The following ATXN7 variants were observed in gnomAD, a reference collection of about 807,000 sequenced individuals.
The protein encoded by ATXN7 is ataxin-7.
Under a neutral mutation model 70.5 loss-of-function variants are expected in ATXN7, and 12 were observed. That is an observed-to-expected ratio of 0.17 (90% CI 0.11 to 0.28). ATXN7 has a LOEUF of 0.28. ATXN7 is among the 10% of genes least tolerant of loss of function. ATXN7 has a pLI of 1.00. For synonymous variants in ATXN7, 498 were observed against 448.7 expected (o/e 1.11, Z -1.39); for missense variants, 1,256 against 1,131.7 (o/e 1.11, Z -1.58).
intron 4 of ATXN7, among the ~76,000 whole-genome samples, chr3:63,916,024 C>A (rs1014057257): frequency 6.6e-6 from 1 of 152,184 alleles, no homozygotes. Context: ...GGAATATGCA[C>A]TTGACTTGAA....
At chr3:63,884,464 A>T (rs1703020115) in intron 1 of ATXN7, among the ~76,000 whole-genome samples, 2 of 152,128 alleles carry the variant, frequency 1.3e-5, no homozygotes, top group Non-Finnish European at 2.9e-5. Context: ...TAAACATATA[A>T]ACAAATAATA....
chr3:63,951,647 A>G (rs942160274), intron 4 of ATXN7, among the ~76,000 whole-genome samples: 4 of 152,234 alleles, frequency 2.6e-5, no homozygotes, highest in African/African-American at 7.2e-5. Flanking sequence ...TTAGTTAACC[A>G]TATTTACCAG....
intron 1 of ATXN7, among the ~76,000 whole-genome samples, chr3:63,886,570 A>G (rs1703091990): frequency 6.6e-6 from 1 of 152,228 alleles, no homozygotes; most frequent in Non-Finnish European, 1.5e-5. Context: ...TAGCTGTGAC[A>G]AAGATACTAT....
Position 63,996,244 on chromosome 3 carries a change from A to T in ATXN7, c.2422A>T (p.Ile808Phe). 6.2e-7 allele frequency: 1 copy of T among 1,614,192 alleles called. No individual in the cohort carries two copies. ...TTCTACTCTTTCTCTTGGGCCATTC[A>T]TTCACCAGTCCAATGAACTGCCTGT... ...SDSTLSLGPF[I>F]HQSNELPVNS... Residue 808 changes from isoleucine to phenylalanine, a missense_variant, in exon 12 of 13, where the codon ATT (isoleucine) becomes TTT (phenylalanine). Transcript: ENST00000674280.
intron 4 of ATXN7, among the ~76,000 whole-genome samples, chr3:63,916,694 A>G (rs972506014): frequency 6.6e-6 from 1 of 152,154 alleles, no homozygotes; most frequent in African/African-American, 2.4e-5. Flanking sequence ...GAGGGAAATT[A>G]TTTGTGGTTT....
intron 4 of ATXN7, among the ~76,000 whole-genome samples, chr3:63,948,995 T>A (rs187659938): frequency 2.8e-4 from 43 of 152,364 alleles, no homozygotes; most frequent in African/African-American, 1.0e-3. Context: ...ACTTTTTAAT[T>A]GAATAATGAA....
intron 1 of ATXN7, among the ~76,000 whole-genome samples, chr3:63,891,310 C>T (rs1466262859): frequency 1.3e-5 from 2 of 149,702 alleles, no homozygotes; most frequent in African/African-American, 4.9e-5. Context: ...GCGACTGCAC[C>T]TGGCCCCAGC....
At chr3:63,981,181 A>T (rs1322382500) in intron 6 of ATXN7, among the ~76,000 whole-genome samples, 1 of 152,174 alleles carries the variant, frequency 6.6e-6, no homozygotes. Context: ...AGAGGATGTG[A>T]CATCTTGCAG....
chr3:63,963,966 C>T lies in ATXN7; in HGVS notation c.499+11483C>T, dbSNP rs78253260. Among the ~76,000 whole-genome samples, 1,521 of 152,222 alleles carry T rather than the reference C, an allele frequency of 1.0e-2. 82 individuals are homozygous for T. The East Asian group carries it at 0.12, about 12-fold the overall frequency. On this transcript the variant is annotated intron_variant, in intron 5 of 12. Transcript: ENST00000674280. ...AAAAAGGCTGTAATGCTTTATATCT[C>T]TACCAGCCACTATGAGAGTTATCTC...
Position 64,000,555 on chromosome 3 carries a change from A to G in ATXN7, c.*1088A>G, listed in dbSNP as rs889748280. ...GGACTAAGTGTAGATTTCTGCTTCA[A>G]GCACTTCTGGCATTGTGTGTTTTTG... On this transcript the variant is annotated 3_prime_UTR_variant, in exon 13 of 13. Coordinates refer to ENST00000674280, the MANE Select transcript of ATXN7 (RefSeq NM_001377405.1). 1.3e-5 allele frequency: 2 copies of G among 150,590 alleles called. No homozygotes were observed. The highest frequency in any genetic ancestry group is 4.9e-5 in the African/African-American group (2 of 40,730). The allele number at this position is 150,590 out of a possible 1,614,324, so 9.3% of individuals were successfully genotyped here.
chr3:63,970,029 G>C (rs758284355), intron 5 of ATXN7, among the ~76,000 whole-genome samples: 16 of 152,208 alleles, frequency 1.1e-4, no homozygotes, highest in Non-Finnish European at 2.2e-4. Context: ...GCTGTACTCT[G>C]TCAGCATCAT....
chr3:63,864,498 G>A (rs902769617), intron 1 of ATXN7: 1 of 152,140 alleles, frequency 6.6e-6, no homozygotes, highest in African/African-American at 2.4e-5. Context: ...CCGGGTTCCA[G>A]GTCGCGCGGT....
At position 63,980,084 on chromosome 3, in the gene ATXN7, A is replaced by G. The variant is rs769754530; in HGVS notation, c.669A>G (p.Lys223=). ...SASSSSSKLL[K]SPKEKLQLRG... ...CCTCATCAAGTTCCAAGTTGTTGAA[A>G]TCACCCAAAGAGAAACTGCAGCTCA... is the stretch of plus-strand genomic sequence containing the variant. Residue 223 remains lysine, a synonymous_variant, in exon 6 of 13, where the codon AAA becomes AAG. Transcript: ENST00000674280. The G allele has an allele frequency of 1.2e-6, 2 of 1,614,126 alleles. No individual in the cohort carries two copies. The highest frequency in any genetic ancestry group is 1.7e-6 in the Non-Finnish European group (2 of 1,180,034).
intron 9 of ATXN7, 82 bp from the exon 10 acceptor site, chr3:63,990,094 T>G (rs2075644586): frequency 7.2e-6 from 10 of 1,387,312 alleles, no homozygotes; most frequent in Non-Finnish European, 1.0e-5. Flanking sequence ...TAGGTTGTTT[T>G]GGACACACTG....
chr3:63,912,972 C>A, intron 3 of ATXN7, 49 bp downstream of exon 3: 6 of 1,387,370 alleles, frequency 4.3e-6, no homozygotes, highest in Non-Finnish European at 5.8e-6. Context: ...CGACCCCCTC[C>A]TCTCTCCTCC....
intron 1 of ATXN7, among the ~76,000 whole-genome samples, chr3:63,885,546 A>C (rs1421846206): frequency 6.6e-6 from 1 of 152,210 alleles, no homozygotes; most frequent in African/African-American, 2.4e-5. Flanking sequence ...GTTTCTCAAA[A>C]AATTAAAAAT....
chr3:63,985,600 A>G (rs543892180), intron 8 of ATXN7, among the ~76,000 whole-genome samples: 1 of 152,234 alleles, frequency 6.6e-6, no homozygotes, highest in East Asian at 1.9e-4. Flanking sequence ...TCTGTCTTAG[A>G]CTTAGAACGT....
At chr3:63,871,774 A>G (rs534823971) in intron 1 of ATXN7, among the ~76,000 whole-genome samples, 1 of 152,328 alleles carries the variant, frequency 6.6e-6, no homozygotes, top group Admixed American at 6.5e-5. Flanking sequence ...GAATTGTTAC[A>G]GGGGAGAATC....
chr3:63,887,739 C>T (rs1703131614), intron 1 of ATXN7, among the ~76,000 whole-genome samples: 6 of 152,222 alleles, frequency 3.9e-5, no homozygotes, highest in African/African-American at 1.4e-4. Context: ...GCATGTGTCA[C>T]CACACCCAGC....
Sources: allele counts gnomAD v4.1 joint callset (sites outside exome capture counted in the v4.1 genomes callset), GRCh38; gene constraint gnomAD v4.1.1; transcripts MANE v1.5; gene names NCBI Gene and HGNC (gene_info 2026-07-23, HGNC 2026-07-21).